FUT8: variants seen among roughly 807,000 people sequenced by gnomAD.
The protein encoded by FUT8 is fucosyltransferase 8, also known as alpha-(1,6)-fucosyltransferase.
A neutral mutation model predicts 71.3 loss-of-function variants in FUT8; 29 were observed. That is an observed-to-expected ratio of 0.41 (90% CI 0.30 to 0.55). The LOEUF (loss-of-function observed/expected upper bound fraction) is 0.55. FUT8 is among the 20% of genes least tolerant of loss of function. The probability of loss-of-function intolerance (pLI) is 0.34; values close to 1 mark genes in which losing one functional copy is unlikely to be tolerated. For synonymous variants in FUT8, 254 were observed against 239.3 expected, an observed-to-expected ratio of 1.06 and a Z score of -0.57; for missense variants, 544 against 702.1, an observed-to-expected ratio of 0.77 and a Z score of 2.55.
chr14:65,659,705 T>G (rs910691746), intron 6 of FUT8, among the ~76,000 whole-genome samples: 6 of 152,074 alleles, frequency 3.9e-5, no homozygotes, highest in African/African-American at 1.4e-4. Context: ...TGTCCTCTTC[T>G]CTCGTCCGCC....
At chr14:65,366,207 TAAGTAG>T in the FUT8 span, among the ~76,000 whole-genome samples, 1 of 152,128 alleles carries the variant, frequency 6.6e-6, no homozygotes. Context: ...GAGAAGACAG[TAAGTAG>T]CCGAATGAGA....
intron 2 of FUT8, among the ~76,000 whole-genome samples, chr14:65,484,118 C>T (rs2066373675): frequency 6.6e-6 from 1 of 152,168 alleles, no homozygotes; most frequent in Non-Finnish European, 1.5e-5. Context: ...ACCTGCTGTA[C>T]TCATTCTGGT....
Position 65,528,506 on chromosome 14 carries a change from C to T in FUT8, c.-227-32831C>T, listed in dbSNP as rs117586380. 6.0e-3 allele frequency among the ~76,000 whole-genome samples: 914 copies of T among 152,288 alleles called. 9 individuals carry two copies. Among genetic ancestry groups the T allele is most frequent in the East Asian group, 0.035 (181 of 5,170 alleles). ...GACCCCTTGAGCTTCCCAGGTGAAG[C>T]GATGCCTCACCCTACTTCAGCTCAC... On this transcript the variant is annotated intron_variant, in intron 2 of 10. Coordinates refer to ENST00000673929, the MANE Select transcript of FUT8 (RefSeq NM_001371533.1).
chr14:65,635,901 A>G (rs2140284243), intron 6 of FUT8, among the ~76,000 whole-genome samples: 1 of 152,180 alleles, frequency 6.6e-6, no homozygotes, highest in African/African-American at 2.4e-5. Flanking sequence ...ACTAGTATCG[A>G]AAGGATTGGT....
chr14:65,512,514 T>C (rs754388167), intron 2 of FUT8, among the ~76,000 whole-genome samples: 1 of 152,196 alleles, frequency 6.6e-6, no homozygotes, highest in Non-Finnish European at 1.5e-5. Context: ...TCGTTGTTGA[T>C]TAAAACCATC....
chr14:65,387,558 T>C, the FUT8 span, among the ~76,000 whole-genome samples: 1 of 152,214 alleles, frequency 6.6e-6, no homozygotes, highest in Non-Finnish European at 1.5e-5. Flanking sequence ...TTCAAAATGG[T>C]AACAGGCACA....
At chr14:65,376,569 C>T in the FUT8 span, among the ~76,000 whole-genome samples, 3 of 135,218 alleles carry the variant, frequency 2.2e-5, no homozygotes, top group Admixed American at 7.5e-5. Context: ...CACCACCATG[C>T]CTGGCTAGTT....
At chr14:65,361,262 A>ATCACCTG in the FUT8 span, among the ~76,000 whole-genome samples, 7 of 146,544 alleles carry the variant, frequency 4.8e-5, no homozygotes, top group Admixed American at 1.3e-4. Context: ...AGTCTGAGGC[A>ATCACCTG]AGAGCATTGC....
intron 6 of FUT8, among the ~76,000 whole-genome samples, chr14:65,635,213 ATTC>A (rs1254753594): frequency 3.3e-5 from 5 of 152,150 alleles, no homozygotes; most frequent in Non-Finnish European, 7.4e-5. Context: ...ACTCTACTGA[ATTC>A]TTCCTCAGTT....
At chr14:65,634,780 A>C (rs568248537) in intron 6 of FUT8, among the ~76,000 whole-genome samples, 14 of 152,064 alleles carry the variant, frequency 9.2e-5, no homozygotes, top group Non-Finnish European at 1.3e-4. Flanking sequence ...CTCCAGATTT[A>C]TTCTTTTTGC....
rs1211448928 is a variant in FUT8, at chr14:65,627,239, G to GA, written c.483-2243dup. Among the ~76,000 whole-genome samples, 8 of 149,354 alleles carry GA rather than the reference G, an allele frequency of 5.4e-5. No individual in the cohort carries two copies. Among genetic ancestry groups the GA allele is most frequent in the East Asian group, 3.9e-4 (2 of 5,132 alleles). On this transcript the variant is annotated intron_variant, in intron 5 of 10. Coordinates refer to ENST00000673929, the MANE Select transcript of FUT8 (RefSeq NM_001371533.1). The surrounding 1 kb of genome is among the most constrained non-coding windows in gnomAD (Gnocchi z 4.0). ...TATATTGGAAAATGATAACTGCTTA[G>GA]AAAAAAAAAATAAGCAGGGAAGGAG...
rs1896618036 is a variant in FUT8, at chr14:65,743,905, A to G, written c.*1495A>G. 6.6e-6 allele frequency: 1 copy of G among 151,890 alleles called. No homozygotes were observed. Among genetic ancestry groups the G allele is most frequent in the South Asian group, 2.1e-4 (1 of 4,830 alleles). The allele number at this position is 151,890 out of a possible 1,614,324, so 9.4% of individuals were successfully genotyped here. ...CTCTGTAGGAGCGACTATCAGGCCT[A>G]GTGTGAAATATTAGGGATCCTAGGC... On this transcript the variant is annotated 3_prime_UTR_variant, in exon 11 of 11. Transcript: ENST00000673929.
chr14:65,589,887 G>A (rs974929913), intron 3 of FUT8, among the ~76,000 whole-genome samples: 5 of 152,108 alleles, frequency 3.3e-5, no homozygotes, highest in Non-Finnish European at 7.4e-5. Flanking sequence ...TTTAAAAGAT[G>A]ATGCATAGAC....
At chr14:65,701,185 A>G (rs1400812373) in intron 7 of FUT8, among the ~76,000 whole-genome samples, 1 of 152,186 alleles carries the variant, frequency 6.6e-6, no homozygotes, top group Non-Finnish European at 1.5e-5. Flanking sequence ...CAAATTTTGG[A>G]TCATATCATC....
chr14:65,384,874 C>T, the FUT8 span, among the ~76,000 whole-genome samples: 15 of 150,668 alleles, frequency 1.0e-4, 1 homozygote, highest in African/African-American at 3.7e-4. This position sits in a 1 kb window ranked among gnomAD's most constrained non-coding sequence, Gnocchi z 4.2. Flanking sequence ...TTCTCTTTAC[C>T]TACATTTCTT....
In FUT8 at chr14:65,695,348, G is replaced by A. The variant is rs74058561; in HGVS notation, c.835+25868G>A. ...GTATTTTGACAGTCAGTTGTTAGGTGCATTATACATATTAGGTATAATTGT... is the reference window on the plus strand; with the variant it reads ...GTATTTTGACAGTCAGTTGTTAGGTACATTATACATATTAGGTATAATTGT... On this transcript the variant is annotated intron_variant, in intron 7 of 10. Coordinates refer to ENST00000673929, the MANE Select transcript of FUT8 (RefSeq NM_001371533.1). 3.0e-3 allele frequency among the ~76,000 whole-genome samples: 458 copies of A among 152,234 alleles called. 2 individuals carry two copies. The highest frequency in any genetic ancestry group is 0.01 in the African/African-American group (423 of 41,546).
intron 1 of FUT8, among the ~76,000 whole-genome samples, chr14:65,445,068 G>T (rs772106083): frequency 6.6e-6 from 1 of 152,144 alleles, no homozygotes; most frequent in African/African-American, 2.4e-5. Flanking sequence ...TTAGATGGGC[G>T]TGGTGGTGAG....
At chr14:65,661,849 A>G (rs2140351506) in intron 6 of FUT8, among the ~76,000 whole-genome samples, 1 of 152,326 alleles carries the variant, frequency 6.6e-6, no homozygotes, top group Non-Finnish European at 1.5e-5. Context: ...TGCTAATTTG[A>G]AATATGTCTA....
chr14:65,618,034 T>C (rs1218589191), intron 5 of FUT8, among the ~76,000 whole-genome samples: 24 of 121,576 alleles, frequency 2.0e-4, no homozygotes, highest in African/African-American at 7.0e-4. Context: ...TATATATATA[T>C]ATATATATAT....
Sources: gnomAD v4.1 joint callset for allele counts (sites outside exome capture counted in the v4.1 genomes callset) on GRCh38, gnomAD v4.1.1 for gene constraint, Gnocchi (gnomAD v3.1) non-coding constraint, MANE v1.5 for transcripts, NCBI Gene and HGNC (gene_info 2026-07-23, HGNC 2026-07-21) for gene names.